PLEKHM2: variants seen among roughly 807,000 people sequenced by gnomAD.
PLEKHM2 encodes pleckstrin homology domain-containing family M member 2.
In PLEKHM2, 77 loss-of-function variants were observed where a neutral mutation model predicts 116.3. That is an observed-to-expected ratio of 0.66 (90% CI 0.55 to 0.80). The LOEUF is 0.80. Among genes scored for constraint, PLEKHM2 ranks in the 30% least tolerant of loss-of-function variants. PLEKHM2 has a pLI of 0.00. For missense variants in PLEKHM2, 1,183 were observed against 1,354.9 expected (o/e 0.87, Z 1.99); for synonymous variants, 562 against 571.0 (o/e 0.98, Z 0.22).
At chr1:15,724,558 G>A (rs1482663772) in intron 7 of PLEKHM2, among the ~76,000 whole-genome samples, 1 of 152,092 alleles carries the variant, frequency 6.6e-6, no homozygotes, top group East Asian at 1.9e-4. Context: ...CCCGAGGAGT[G>A]TGTAGGGTCA....
At chr1:15,724,722 C>T (rs1370289216) in intron 7 of PLEKHM2, among the ~76,000 whole-genome samples, 1 of 152,156 alleles carries the variant, frequency 6.6e-6, no homozygotes, top group Non-Finnish European at 1.5e-5. Flanking sequence ...CCTTGGGCTC[C>T]CATCCTGTCT....
In PLEKHM2 at chr1:15,727,702, C is replaced by G. The variant is rs1246281774; in HGVS notation, c.1630C>G (p.Pro544Ala). 3 of 1,594,698 alleles carry G rather than the reference C, an allele frequency of 1.9e-6. No individual in the cohort carries two copies. The highest frequency in any genetic ancestry group is 2.6e-6 in the Non-Finnish European group (3 of 1,171,634). Reference protein sequence around the residue: ...VREGPVSEPEPGTQEVLCQLK... With the variant: ...VREGPVSEPEAGTQEVLCQLK... ...GGAGGGGCCTGTGTCTGAGCCAGAG[C>G]CTGGGACCCAGGAGGTTCTCTGCCA... is the stretch of plus-strand genomic sequence containing the variant. The change falls in exon 9 of 20, where the codon CCT becomes GCT. Residue 544 changes from proline (P) to alanine (A), a missense_variant. This residue lies in a region of PLEKHM2 where 594 missense variants were observed against 720.1 expected (regional missense o/e 0.82). Transcript: ENST00000375799. This position sits in a 1 kb window ranked among gnomAD's most constrained non-coding sequence, Gnocchi z 7.5.
rs766827340 is a variant in PLEKHM2, at chr1:15,728,740, C to T, written c.1986+7C>T. On this transcript the variant is annotated splice_region_variant and intron_variant, in intron 12 of 19. Transcript: ENST00000375799. The surrounding 1 kb of genome is among the most constrained non-coding windows in gnomAD (Gnocchi z 5.9). ...TGAACTTGACTATGTGTCGGTGAGT[C>T]CAGGCCCCGCAGTTGTGCGCCTGCT... is the stretch of plus-strand genomic sequence containing the variant. 11 of 1,604,590 alleles carry T rather than the reference C, an allele frequency of 6.9e-6. No homozygotes were observed. The African/African-American group carries it at 1.5e-4, about 21-fold the overall frequency.
At chr1:15,694,348 CA>C (rs796565464) in intron 1 of PLEKHM2, among the ~76,000 whole-genome samples, 8 of 145,264 alleles carry the variant, frequency 5.5e-5, no homozygotes, top group South Asian at 2.2e-4. Context: ...GACTCCATCT[CA>C]AAAAAAAAAC....
intron 1 of PLEKHM2, among the ~76,000 whole-genome samples, chr1:15,705,613 C>G (rs1243753675): frequency 6.6e-6 from 1 of 152,122 alleles, no homozygotes; most frequent in Non-Finnish European, 1.5e-5. Flanking sequence ...TCCCTCATGC[C>G]CCACATTTAA....
chr1:15,707,271 A>C (rs1489131142), intron 1 of PLEKHM2, among the ~76,000 whole-genome samples: 1 of 148,526 alleles, frequency 6.7e-6, no homozygotes, highest in Non-Finnish European at 1.5e-5. Context: ...AAAAAATACA[A>C]AAAAAAAAAA....
chr1:15,685,557 A>G (rs185778904), intron 1 of PLEKHM2, among the ~76,000 whole-genome samples: 86 of 148,018 alleles, frequency 5.8e-4, no homozygotes, highest in South Asian at 1.2e-3. Context: ...AAAAAAAAAA[A>G]AAAGAAAGAA....
intron 1 of PLEKHM2, among the ~76,000 whole-genome samples, chr1:15,711,670 A>G (rs1049907085): frequency 6.6e-6 from 1 of 152,124 alleles, no homozygotes; most frequent in Non-Finnish European, 1.5e-5. Context: ...ACATTGGGAA[A>G]AATGGGAAAC....
At chr1:15,710,932 T>C (rs922605508) in intron 1 of PLEKHM2, among the ~76,000 whole-genome samples, 32 of 152,094 alleles carry the variant, frequency 2.1e-4, no homozygotes, top group Admixed American at 8.5e-4. Flanking sequence ...CCCAACACTT[T>C]GGGAGGCCAA....
intron 1 of PLEKHM2, among the ~76,000 whole-genome samples, chr1:15,687,375 C>T (rs1002610919): frequency 5.3e-5 from 8 of 151,644 alleles, no homozygotes; most frequent in Middle Eastern, 6.8e-3. Context: ...GGGGTTTCAC[C>T]GTGTTAGCCA....
intron 17 of PLEKHM2, 120 bp downstream of exon 17, chr1:15,732,168 G>T (rs2068153721): frequency 9.5e-7 from 1 of 1,050,244 alleles, no homozygotes; most frequent in South Asian, 1.6e-5. Context: ...CCTCCAGGGG[G>T]CAGCCCAGGA....
chr1:15,722,866 T>A (rs1571059032), intron 7 of PLEKHM2: 1 of 151,938 alleles, frequency 6.6e-6, no homozygotes, highest in Admixed American at 6.6e-5. Context: ...CTAACCCCCC[T>A]CCTGACACGC....
At chr1:15,690,072 T>G (rs1346146604) in intron 1 of PLEKHM2, among the ~76,000 whole-genome samples, 1 of 150,514 alleles carries the variant, frequency 6.6e-6, no homozygotes, top group Non-Finnish European at 1.5e-5. Flanking sequence ...TTTTTTTTTT[T>G]TGTTTTGTTT....
chr1:15,733,195 G>A (rs1030127913), intron 19 of PLEKHM2, among the ~76,000 whole-genome samples: 30 of 152,260 alleles, frequency 2.0e-4, no homozygotes, highest in African/African-American at 7.2e-4. Context: ...ACACCTGACA[G>A]GCACAAAAAC....
At chr1:15,696,020 G>T (rs1485684920) in intron 1 of PLEKHM2, among the ~76,000 whole-genome samples, 1 of 144,912 alleles carries the variant, frequency 6.9e-6, no homozygotes, top group African/African-American at 2.6e-5. Flanking sequence ...TTGCCATGTC[G>T]CCTAGGCTGC....
chr1:15,724,249 C>T (rs1357038078), intron 7 of PLEKHM2, among the ~76,000 whole-genome samples: 1 of 152,168 alleles, frequency 6.6e-6, no homozygotes, highest in Non-Finnish European at 1.5e-5. Context: ...TTTTGGGAGG[C>T]CGAGGCGGGC....
At chr1:15,705,551 T>C (rs1241072817) in intron 1 of PLEKHM2, among the ~76,000 whole-genome samples, 1 of 152,140 alleles carries the variant, frequency 6.6e-6, no homozygotes, top group Admixed American at 6.5e-5. Flanking sequence ...CAGAAACGGC[T>C]GCCGTCCACC....
In PLEKHM2 at chr1:15,719,287, T is replaced by TA. The variant is rs984899585; in HGVS notation, c.466-440dup. Among the ~76,000 whole-genome samples the TA allele has an allele frequency of 2.1e-4, 32 of 152,014 alleles. No homozygotes were observed. The highest frequency in any genetic ancestry group is 7.2e-4 in the African/African-American group (30 of 41,406). On this transcript the variant is annotated intron_variant, in intron 5 of 19. Coordinates refer to ENST00000375799, the MANE Select transcript of PLEKHM2 (RefSeq NM_015164.4). This position sits in a 1 kb window ranked among gnomAD's most constrained non-coding sequence, Gnocchi z 4.1. Reference sequence around the variant, plus strand: ...CAACATGGCGAAACCTCGTCTCTACTAAAAAAATACAAAAGTTAGCGGGGT... The same window carrying TA: ...CAACATGGCGAAACCTCGTCTCTACTAAAAAAAATACAAAAGTTAGCGGGGT...
rs377213828 is a variant in PLEKHM2, at chr1:15,728,395, G to A, written c.1921+38G>A. 19 of 1,559,368 alleles carry A rather than the reference G, an allele frequency of 1.2e-5. No homozygotes were observed. The highest frequency in any genetic ancestry group is 4.5e-5 in the East Asian group (2 of 44,616). ...CCCGGGCAGACAGCGGGTTGTAGAC[G>A]AGGCTGACTCTCAGCCCCTTTTCCC... On this transcript the variant is annotated intron_variant, in intron 11 of 19. Coordinates refer to ENST00000375799, the MANE Select transcript of PLEKHM2 (RefSeq NM_015164.4). The surrounding 1 kb of genome is among the most constrained non-coding windows in gnomAD (Gnocchi z 5.9).
Sources: allele counts gnomAD v4.1 joint callset (sites outside exome capture counted in the v4.1 genomes callset), GRCh38; gene constraint gnomAD v4.1.1; regional missense constraint gnomAD v4.1.1; non-coding constraint Gnocchi (gnomAD v3.1); transcripts MANE v1.5; gene names NCBI Gene and HGNC (gene_info 2026-07-23, HGNC 2026-07-21).